The following ASB4 variants were observed in gnomAD, a reference collection of about 807,000 sequenced individuals.
The protein encoded by ASB4 is ankyrin repeat and SOCS box protein 4.
A neutral mutation model predicts 38.6 loss-of-function variants in ASB4; 35 were observed. The ratio of observed to expected loss-of-function variants is 0.91; its 90% CI spans 0.69 to 1.20. ASB4 has a LOEUF of 1.20. Ranked by LOEUF, ASB4 falls within the 50% of genes most tolerant of loss-of-function variation. The pLI is 0.00. For synonymous variants in ASB4, 195 were observed against 201.3 expected, an observed-to-expected ratio of 0.97 and a Z score of 0.26; for missense variants, 557 against 527.2, an observed-to-expected ratio of 1.06 and a Z score of -0.55.
intron 3 of ASB4, among the ~76,000 whole-genome samples, chr7:95,533,188 C>A (rs548871253): frequency 1.3e-5 from 2 of 152,170 alleles, no homozygotes; most frequent in African/African-American, 2.4e-5. Context: ...GAGAGGCCTG[C>A]AATTTTAGGG....
the ASB4 span, among the ~76,000 whole-genome samples, chr7:95,550,817 T>C: frequency 6.6e-6 from 1 of 152,162 alleles, no homozygotes; most frequent in Non-Finnish European, 1.5e-5. Flanking sequence ...ATTCAGCCAG[T>C]GCAGGCAATG....
rs1268662687 is a variant in ASB4 at position 95,495,972 on chromosome 7, T to C, written c.402T>C (p.Asn134=). The C allele has an allele frequency of 6.2e-7, 1 of 1,614,148 alleles. No individual in the cohort carries two copies. Among genetic ancestry groups the C allele is most frequent in the Admixed American group, 1.7e-5 (1 of 60,024 alleles). The change falls in exon 2 of 5, where the codon AAT becomes AAC. Residue 134 remains asparagine, a synonymous_variant. Coordinates refer to ENST00000325885, the MANE Select transcript of ASB4 (RefSeq NM_016116.3). ...TCTGTGATCGTGGGGCAAAGCTCAA[T>C]TGCTACTCCTTAAGTGGACACACAG... ...KILCDRGAKL[N]CYSLSGHTAL...
chr7:95,481,139 A>C (rs1053035932), upstream of ASB4, among the ~76,000 whole-genome samples: 1 of 152,166 alleles, frequency 6.6e-6, no homozygotes, highest in South Asian at 2.1e-4. Flanking sequence ...ATAACAATTA[A>C]AATTTTACCA....
chr7:95,542,409 G>A (rs1790982745), downstream of ASB4: 1 of 151,946 alleles, frequency 6.6e-6, no homozygotes, highest in South Asian at 2.1e-4. Context: ...CCCCAAAAGT[G>A]GTTTTTTTTT....
rs183213941 is a variant in ASB4 at position 95,540,160 on chromosome 7, G to A, written c.*2401G>A. On this transcript the variant is annotated 3_prime_UTR_variant, in exon 5 of 5. Transcript: ENST00000325885. The stretch of plus-strand genomic sequence containing the variant: ...CTTGTTTGTAATTTTTTTATTGGTG[G>A]AATTAAAGTAATTTTTCCTTATCTT... 1.4e-4 allele frequency: 22 copies of A among 152,174 alleles called. No homozygotes were observed. Among genetic ancestry groups the A allele is most frequent in the African/African-American group, 4.8e-4 (20 of 41,526 alleles). 9.4% of individuals were successfully genotyped at this position (152,174 alleles called of 1,614,324 possible).
intron 1 of ASB4, among the ~76,000 whole-genome samples, chr7:95,479,064 T>C (rs1790001785): frequency 6.6e-6 from 1 of 152,192 alleles, no homozygotes; most frequent in Non-Finnish European, 1.5e-5. Context: ...TCTTTGCCAA[T>C]GTCCAGGACA....
chr7:95,475,173 A>T (rs1789964328), upstream of ASB4, among the ~76,000 whole-genome samples: 1 of 152,148 alleles, frequency 6.6e-6, no homozygotes, highest in Non-Finnish European at 1.5e-5. Flanking sequence ...GAGGACTCTG[A>T]AGTACCGAAA....
Position 95,539,991 on chromosome 7 carries a change from T to A in ASB4, c.*2232T>A, listed in dbSNP as rs1460157156. 6 of 152,206 alleles carry A rather than the reference T, an allele frequency of 3.9e-5. No individual in the cohort carries two copies. Among genetic ancestry groups the A allele is most frequent in the Non-Finnish European group, 1.5e-5 (1 of 68,028 alleles). 9.4% of individuals were successfully genotyped at this position (152,206 alleles called of 1,614,324 possible). On this transcript the variant is annotated 3_prime_UTR_variant, in exon 5 of 5. Coordinates refer to ENST00000325885, the MANE Select transcript of ASB4 (RefSeq NM_016116.3). ...TAAGGCGTATTCTAGCAGCAAAGCT[T>A]GTGATGCACTGACTTGGGGCAAGTA...
intron 1 of ASB4, among the ~76,000 whole-genome samples, chr7:95,488,902 C>A (rs1201374954): frequency 1.3e-5 from 2 of 152,160 alleles, no homozygotes; most frequent in Non-Finnish European, 2.9e-5. Context: ...TGCACAAAAC[C>A]TATAACGAAT....
the ASB4 span, among the ~76,000 whole-genome samples, chr7:95,471,633 G>A: frequency 6.6e-6 from 1 of 151,930 alleles, no homozygotes; most frequent in East Asian, 1.9e-4. Flanking sequence ...TCTAATTTTG[G>A]CCCTTAATTG....
the ASB4 span, among the ~76,000 whole-genome samples, chr7:95,546,833 A>C: frequency 1.3e-5 from 2 of 152,200 alleles, no homozygotes; most frequent in African/African-American, 4.8e-5. Context: ...GAAGCATAGA[A>C]TTTTGCCATT....
chr7:95,479,570 T>C (rs1790006769), intron 1 of ASB4, among the ~76,000 whole-genome samples: 1 of 152,202 alleles, frequency 6.6e-6, no homozygotes, highest in Non-Finnish European at 1.5e-5. Flanking sequence ...CTAATGTGGT[T>C]TGAAAATTTT....
chr7:95,545,093 G>A (rs1791014997), downstream of ASB4, among the ~76,000 whole-genome samples: 1 of 151,282 alleles, frequency 6.6e-6, no homozygotes, highest in Non-Finnish European at 1.5e-5. Flanking sequence ...CCGTGGTACA[G>A]ACTCACTCTC....
upstream of ASB4, among the ~76,000 whole-genome samples, chr7:95,475,306 G>T (rs1789967163): frequency 6.6e-6 from 1 of 152,148 alleles, no homozygotes; most frequent in Admixed American, 6.5e-5. Flanking sequence ...ACGCCCACCT[G>T]GATGTAGAAT....
intron 2 of ASB4, among the ~76,000 whole-genome samples, chr7:95,508,917 T>C (rs1188511316): frequency 1.3e-5 from 2 of 152,028 alleles, no homozygotes; most frequent in Non-Finnish European, 1.5e-5. Flanking sequence ...GGGCAGAGAA[T>C]TGGATATGTG....
At chr7:95,479,989 G>T (rs924887796) in intron 1 of ASB4, among the ~76,000 whole-genome samples, 1 of 152,076 alleles carries the variant, frequency 6.6e-6, no homozygotes, top group Non-Finnish European at 1.5e-5. Context: ...GCTTATTCCC[G>T]CAATTCAAGT....
intron 1 of ASB4, among the ~76,000 whole-genome samples, chr7:95,493,792 C>T (rs1316409544): frequency 6.6e-6 from 1 of 152,068 alleles, no homozygotes. Context: ...TACTGTTTGG[C>T]TCCCTGCTTC....
chr7:95,533,488 C>T (rs915458808), intron 3 of ASB4, among the ~76,000 whole-genome samples: 1 of 152,196 alleles, frequency 6.6e-6, no homozygotes, highest in African/African-American at 2.4e-5. Context: ...CTGTTTCAGT[C>T]CACCCAACTC....
intron 2 of ASB4, among the ~76,000 whole-genome samples, chr7:95,505,940 C>T (rs1790402175): frequency 6.6e-6 from 1 of 152,084 alleles, no homozygotes; most frequent in African/African-American, 2.4e-5. Context: ...GTCACCCAGG[C>T]TAGAATGCAG....
Sources: gnomAD v4.1 joint callset for allele counts (sites outside exome capture counted in the v4.1 genomes callset) on GRCh38, gnomAD v4.1.1 for gene constraint, MANE v1.5 for transcripts, NCBI Gene and HGNC (gene_info 2026-07-23, HGNC 2026-07-21) for gene names.